The following PARD3 variants were observed in gnomAD, a reference collection of about 807,000 sequenced individuals.
PARD3 encodes par-3 family cell polarity regulator.
Under a neutral mutation model 155.4 loss-of-function variants are expected in PARD3, and 75 were observed. That is an observed-to-expected ratio of 0.48 (90% confidence interval 0.40 to 0.58). The LOEUF (loss-of-function observed/expected upper bound fraction) is 0.58. PARD3 is among the 20% of genes least tolerant of loss of function. PARD3 has a pLI of 0.00. For missense variants in PARD3, 1,642 were observed against 1,721.7 expected (o/e 0.95, Z 0.82); for synonymous variants, 576 against 610.5 (o/e 0.94, Z 0.83).
intron 2 of PARD3, among the ~76,000 whole-genome samples, chr10:34,687,126 C>A (rs1375997819): frequency 6.6e-6 from 1 of 151,936 alleles, no homozygotes; most frequent in Non-Finnish European, 1.5e-5. Context: ...ATGTTCCTAA[C>A]CTGAAAATTC....
At chr10:34,684,339 T>C (rs1317599331) in intron 2 of PARD3, among the ~76,000 whole-genome samples, 1 of 152,212 alleles carries the variant, frequency 6.6e-6, no homozygotes, top group Admixed American at 6.5e-5. Context: ...AGATTATATT[T>C]GGTACATTGT....
chr10:34,170,918 G>A (rs1254971442), intron 22 of PARD3, among the ~76,000 whole-genome samples: 1 of 152,218 alleles, frequency 6.6e-6, no homozygotes, highest in Non-Finnish European at 1.5e-5. Flanking sequence ...TAATGTGCTA[G>A]ACGCGGAATT....
chr10:34,729,335 A>T (rs1377119412), intron 1 of PARD3, among the ~76,000 whole-genome samples: 1 of 152,052 alleles, frequency 6.6e-6, no homozygotes, highest in African/African-American at 2.4e-5. Context: ...GTTCAAAACC[A>T]GCCTGGCCAA....
chr10:34,502,375 C>T (rs1034569219), intron 3 of PARD3, among the ~76,000 whole-genome samples: 1 of 152,144 alleles, frequency 6.6e-6, no homozygotes, highest in African/African-American at 2.4e-5. Context: ...GGCAAGTGGA[C>T]TCCAGAATCT....
chr10:34,502,219 T>C (rs2080762865), intron 3 of PARD3, among the ~76,000 whole-genome samples: 1 of 152,172 alleles, frequency 6.6e-6, no homozygotes, highest in East Asian at 1.9e-4. Context: ...CTCACTCAAT[T>C]CAAGACTATG....
chr10:34,376,548 C>T (rs17557935), intron 10 of PARD3, among the ~76,000 whole-genome samples: 10,245 of 152,216 alleles, frequency 0.067, 463 homozygotes, highest in Non-Finnish European at 0.096. Flanking sequence ...GGACAAGTGG[C>T]TTTTTCAGGA....
chr10:34,792,178 T>C (rs1312409381), intron 1 of PARD3, among the ~76,000 whole-genome samples: 1 of 152,172 alleles, frequency 6.6e-6, no homozygotes, highest in Non-Finnish European at 1.5e-5. Context: ...CACGTGCTCT[T>C]TGCGGAGCTC....
intron 22 of PARD3, among the ~76,000 whole-genome samples, chr10:34,268,737 T>C (rs541982571): frequency 1.3e-5 from 2 of 151,770 alleles, no homozygotes; most frequent in East Asian, 1.9e-4. Flanking sequence ...ATGAGAACAC[T>C]TGGACACAGG....
chr10:34,751,972 G>A (rs1367443083), intron 1 of PARD3, among the ~76,000 whole-genome samples: 1 of 151,932 alleles, frequency 6.6e-6, no homozygotes, highest in Non-Finnish European at 1.5e-5. Context: ...AGCTTCCTCG[G>A]ACTTTGCGAG....
intron 2 of PARD3, among the ~76,000 whole-genome samples, chr10:34,690,980 A>T (rs1292845195): frequency 1.3e-5 from 2 of 152,168 alleles, no homozygotes. Flanking sequence ...TGGGAGGTCG[A>T]GGCAGGAGGA....
At chr10:34,751,298 T>G (rs1836001990) in intron 1 of PARD3, among the ~76,000 whole-genome samples, 1 of 152,114 alleles carries the variant, frequency 6.6e-6, no homozygotes, top group African/African-American at 2.4e-5. Flanking sequence ...TGGGTCAAAA[T>G]AACAATTATC....
chr10:34,258,205 T>G (rs1454348210), intron 22 of PARD3, among the ~76,000 whole-genome samples: 1 of 152,158 alleles, frequency 6.6e-6, no homozygotes, highest in African/African-American at 2.4e-5. Context: ...GGGAATGACA[T>G]GGTCATATTT....
chr10:34,647,346 G>A (rs1007854788), intron 2 of PARD3, among the ~76,000 whole-genome samples: 8 of 152,190 alleles, frequency 5.3e-5, no homozygotes, highest in Admixed American at 5.2e-4. Flanking sequence ...CTGAAGGGAG[G>A]AGCGGATGAG....
At chr10:34,424,021 G>A (rs1358480485) in intron 5 of PARD3, among the ~76,000 whole-genome samples, 2 of 152,130 alleles carry the variant, frequency 1.3e-5, no homozygotes, top group East Asian at 1.9e-4. Flanking sequence ...ACAGATTGAA[G>A]ATTAACCCTT....
chr10:34,556,662 G>A (rs1261896930), intron 2 of PARD3, among the ~76,000 whole-genome samples: 1 of 152,114 alleles, frequency 6.6e-6, no homozygotes, highest in Non-Finnish European at 1.5e-5. Context: ...GACTACAAGC[G>A]TGAGTCACCA....
chr10:34,804,757 C>A (rs1792871058), intron 1 of PARD3, among the ~76,000 whole-genome samples: 1 of 152,094 alleles, frequency 6.6e-6, no homozygotes, highest in South Asian at 2.1e-4. Flanking sequence ...AAAATTAAAA[C>A]ACAGACATAA....
chr10:34,622,518 T>A (rs1023373415), intron 2 of PARD3, among the ~76,000 whole-genome samples: 76 of 152,206 alleles, frequency 5.0e-4, no homozygotes, highest in African/African-American at 1.8e-3. Context: ...CAAGAGAAGT[T>A]ATTCCCTCCT....
At chr10:34,703,741 A>G (rs1324301) in intron 1 of PARD3, among the ~76,000 whole-genome samples, 100,167 of 151,856 alleles carry the variant, frequency 0.66, 33,425 homozygotes, top group Non-Finnish European at 0.67. Context: ...GAAGGAGAAC[A>G]TCCAGAAAAT....
At position 34,429,879 on chromosome 10, in the gene PARD3, C is replaced by T. The variant is rs556751727; in HGVS notation, c.714+20438G>A. Among the ~76,000 whole-genome samples, 11 of 152,274 alleles carry T rather than the reference C, an allele frequency of 7.2e-5. No homozygotes were observed. The South Asian group carries it at 2.3e-3, about 32-fold the overall frequency. ...GGATTACAGGCGTGAGCCACTGCAC[C>T]CAGCCTAACCCAGTTATTTTTAATT... On this transcript the variant is annotated intron_variant, in intron 5 of 24. Coordinates refer to ENST00000374788, the MANE Select transcript of PARD3 (RefSeq NM_001184785.2).
Sources: gnomAD v4.1 joint callset for allele counts (sites outside exome capture counted in the v4.1 genomes callset) on GRCh38, gnomAD v4.1.1 for gene constraint, MANE v1.5 for transcripts, NCBI Gene and HGNC (gene_info 2026-07-23, HGNC 2026-07-21) for gene names.